Variants in MLLT3 observed in about 807,000 individuals in gnomAD.
MLLT3 encodes MLLT3 super elongation complex subunit.
Under a neutral mutation model 53.2 loss-of-function variants are expected in MLLT3, and 4 were observed. The ratio of observed to expected loss-of-function variants is 0.08; its 90% CI spans 0.04 to 0.17. MLLT3 has a LOEUF of 0.17. Ranked by LOEUF, MLLT3 falls within the 10% of genes least tolerant of loss-of-function variation. MLLT3 has a pLI of 1.00. For missense variants in MLLT3, 569 were observed against 684.0 expected, an observed-to-expected ratio of 0.83 and a Z score of 1.87; for synonymous variants, 283 against 230.6, an observed-to-expected ratio of 1.23 and a Z score of -2.06.
chr9:20,488,782 G>T (rs1355059519), intron 2 of MLLT3, among the ~76,000 whole-genome samples: 1 of 152,172 alleles, frequency 6.6e-6, no homozygotes, highest in Non-Finnish European at 1.5e-5. Flanking sequence ...GAAAGAAATT[G>T]TACTGCCAGA....
At chr9:20,403,645 T>C (rs766669909) in intron 5 of MLLT3, among the ~76,000 whole-genome samples, 7 of 152,158 alleles carry the variant, frequency 4.6e-5, no homozygotes, top group Non-Finnish European at 1.0e-4. Context: ...ATCAGATAAC[T>C]TAGCACTTTA....
chr9:20,553,356 G>A (rs563711114), intron 2 of MLLT3, among the ~76,000 whole-genome samples: 5 of 152,062 alleles, frequency 3.3e-5, no homozygotes, highest in African/African-American at 9.7e-5. Context: ...TTGTTGAGTC[G>A]GCCTCACATT....
In MLLT3 at chr9:20,464,085, A is replaced by C. The variant is rs542080318; in HGVS notation, c.194-7299T>G. ...ATTTCTGTAGGTAGCAGAAAAAACA[A>C]ACCTTGGGACAGCCCTCTGGCATCA... On this transcript the variant is annotated intron_variant, in intron 2 of 10. Coordinates refer to ENST00000380338, the MANE Select transcript of MLLT3 (RefSeq NM_004529.4). Among the ~76,000 whole-genome samples, 3 of 152,146 alleles carry C rather than the reference A, an allele frequency of 2.0e-5. No individual in the cohort carries two copies. In the East Asian group the frequency reaches 5.8e-4, roughly 29 times the overall value.
At chr9:20,467,851 T>C (rs1824273893) in intron 2 of MLLT3, among the ~76,000 whole-genome samples, 1 of 152,244 alleles carries the variant, frequency 6.6e-6, no homozygotes, top group South Asian at 2.1e-4. Context: ...TTATCATGTA[T>C]GCTGCTGAAG....
At position 20,497,161 on chromosome 9, in the gene MLLT3, A is replaced by C. The variant is rs563963864; in HGVS notation, c.194-40375T>G. Among the ~76,000 whole-genome samples, 40 of 152,334 alleles carry C rather than the reference A, an allele frequency of 2.6e-4. 2 individuals are homozygous for C. In the South Asian group the frequency reaches 7.5e-3, roughly 28 times the overall value. On this transcript the variant is annotated intron_variant, in intron 2 of 10. Coordinates refer to ENST00000380338, the MANE Select transcript of MLLT3 (RefSeq NM_004529.4). Reference sequence around the variant, plus strand: ...AGTATCCAGTAGTAAATGGCAACGCAAACTTCACCTTCTGATATTCAGTTG... The same window carrying C: ...AGTATCCAGTAGTAAATGGCAACGCCAACTTCACCTTCTGATATTCAGTTG...
intron 2 of MLLT3, among the ~76,000 whole-genome samples, chr9:20,569,824 A>C (rs1587081181): frequency 6.6e-6 from 1 of 152,304 alleles, no homozygotes; most frequent in South Asian, 2.1e-4. Flanking sequence ...CGTAAAGCTC[A>C]GTGCTTGACA....
chr9:20,612,169 T>C (rs967168428), intron 2 of MLLT3, among the ~76,000 whole-genome samples: 2 of 152,190 alleles, frequency 1.3e-5, no homozygotes, highest in African/African-American at 2.4e-5. Context: ...CATTTATTAC[T>C]AGTTATCTTT....
intron 2 of MLLT3, among the ~76,000 whole-genome samples, chr9:20,560,971 T>C (rs1419543950): frequency 2.0e-5 from 3 of 152,162 alleles, no homozygotes; most frequent in African/African-American, 4.8e-5. Flanking sequence ...TATTAGACAC[T>C]ATCAAATGTT....
chr9:20,535,553 A>G (rs976444695), intron 2 of MLLT3, among the ~76,000 whole-genome samples: 1 of 152,218 alleles, frequency 6.6e-6, no homozygotes, highest in Non-Finnish European at 1.5e-5. Flanking sequence ...CAAAAAAATC[A>G]ATCATAAAAT....
chr9:20,607,156 A>G (rs1820591776), intron 2 of MLLT3, among the ~76,000 whole-genome samples: 1 of 152,086 alleles, frequency 6.6e-6, no homozygotes, highest in Non-Finnish European at 1.5e-5. Flanking sequence ...TCTTTGCAAT[A>G]CTCAAACCAG....
At chr9:20,562,348 T>C (rs543842222) in intron 2 of MLLT3, among the ~76,000 whole-genome samples, 1 of 152,028 alleles carries the variant, frequency 6.6e-6, no homozygotes, top group East Asian at 1.9e-4. Context: ...ACCACCACCA[T>C]CATTCATGCA....
chr9:20,350,423 G>C (rs564705749), intron 10 of MLLT3, among the ~76,000 whole-genome samples: 1 of 151,826 alleles, frequency 6.6e-6, no homozygotes, highest in East Asian at 1.9e-4. Flanking sequence ...GTGAAACCCC[G>C]TCTCTACTAA....
In MLLT3 at chr9:20,620,873, G is replaced by T. The variant is rs372064197; in HGVS notation, c.13-39C>A. 22 of 1,609,668 alleles carry T rather than the reference G, an allele frequency of 1.4e-5. No homozygotes were observed. The highest frequency in any genetic ancestry group is 1.9e-5 in the Non-Finnish European group (22 of 1,177,066). ...GAGGAGAGACAGCCGTGAATAACAG[G>T]AAGGCGAGGTTTCGGCAGTGAACGT... On this transcript the variant is annotated intron_variant, in intron 1 of 10. Coordinates refer to ENST00000380338, the MANE Select transcript of MLLT3 (RefSeq NM_004529.4). This position sits in a 1 kb window ranked among gnomAD's most constrained non-coding sequence, Gnocchi z 6.1.
chr9:20,487,341 C>A (rs1250273148), intron 2 of MLLT3, among the ~76,000 whole-genome samples: 1 of 152,144 alleles, frequency 6.6e-6, no homozygotes, highest in African/African-American at 2.4e-5. Flanking sequence ...CTAGCAAAAT[C>A]ATAGGACTTT....
intron 2 of MLLT3, among the ~76,000 whole-genome samples, chr9:20,531,680 A>G (rs1818340254): frequency 6.6e-6 from 1 of 152,262 alleles, no homozygotes; most frequent in East Asian, 1.9e-4. Flanking sequence ...ATGCCACTGA[A>G]TGTATAACTG....
At chr9:20,447,135 G>A (rs546544780) in intron 4 of MLLT3, among the ~76,000 whole-genome samples, 6 of 152,166 alleles carry the variant, frequency 3.9e-5, no homozygotes, top group South Asian at 4.1e-4. Flanking sequence ...GCTTTTCTTA[G>A]GTTCTCAAAG....
chr9:20,432,971 G>A (rs1386941569), intron 4 of MLLT3, among the ~76,000 whole-genome samples: 2 of 152,016 alleles, frequency 1.3e-5, no homozygotes, highest in Non-Finnish European at 2.9e-5. Context: ...TATACAGTAG[G>A]CACCTGGGGA....
chr9:20,559,518 G>C (rs994900551), intron 2 of MLLT3, among the ~76,000 whole-genome samples: 23 of 152,178 alleles, frequency 1.5e-4, no homozygotes, highest in African/African-American at 5.3e-4. Flanking sequence ...TAACTTATCT[G>C]ATAAGTTGCT....
At chr9:20,410,520 C>A (rs897953234) in intron 5 of MLLT3, 2 of 152,156 alleles carry the variant, frequency 1.3e-5, no homozygotes, top group African/African-American at 4.8e-5. Context: ...CACAGCCTGT[C>A]TGACACCAGA....
Sources: allele counts gnomAD v4.1 joint callset (sites outside exome capture counted in the v4.1 genomes callset), GRCh38; gene constraint gnomAD v4.1.1; non-coding constraint Gnocchi (gnomAD v3.1); transcripts MANE v1.5; gene names NCBI Gene and HGNC (gene_info 2026-07-23, HGNC 2026-07-21).